The following SPAG16 variants were observed in gnomAD, a reference collection of about 807,000 sequenced individuals.
The protein encoded by SPAG16 is sperm-associated antigen 16 protein.
Under a neutral mutation model 80.4 loss-of-function variants are expected in SPAG16, and 86 were observed. The ratio of observed to expected loss-of-function variants is 1.07; its 90% CI spans 0.90 to 1.28. The LOEUF (loss-of-function observed/expected upper bound fraction) is 1.28. SPAG16 is among the 50% of genes most tolerant of loss of function. The pLI is 0.00. For missense variants in SPAG16, 870 were observed against 765.3 expected (o/e 1.14, Z -1.61); for synonymous variants, 294 against 265.9 (o/e 1.11, Z -1.03).
At chr2:213,476,360 C>G (rs1310937968) in intron 9 of SPAG16, among the ~76,000 whole-genome samples, 1 of 152,176 alleles carries the variant, frequency 6.6e-6, no homozygotes, top group Non-Finnish European at 1.5e-5. Flanking sequence ...TATTCTGATC[C>G]CACATGACAG....
At chr2:214,296,335 A>T (rs900805254) in intron 15 of SPAG16, among the ~76,000 whole-genome samples, 1 of 152,298 alleles carries the variant, frequency 6.6e-6, no homozygotes, top group African/African-American at 2.4e-5. Context: ...GCTATTGTGG[A>T]TAGTGCTGCA....
intron 11 of SPAG16, among the ~76,000 whole-genome samples, chr2:213,871,061 T>G (rs1210982101): frequency 1.3e-5 from 2 of 152,106 alleles, no homozygotes; most frequent in African/African-American, 2.4e-5. Context: ...AATATACACA[T>G]ACACAAACAC....
intron 1 of SPAG16, among the ~76,000 whole-genome samples, chr2:213,289,744 A>C (rs1038350639): frequency 6.6e-6 from 1 of 152,224 alleles, no homozygotes; most frequent in African/African-American, 2.4e-5. Flanking sequence ...CTCTGCAGTG[A>C]TGGCAAGGAT....
chr2:213,771,740 G>A (rs2069261869), intron 10 of SPAG16, among the ~76,000 whole-genome samples: 1 of 152,092 alleles, frequency 6.6e-6, no homozygotes, highest in African/African-American at 2.4e-5. Flanking sequence ...CATCAGGTTT[G>A]TTGAAGATCA....
intron 12 of SPAG16, among the ~76,000 whole-genome samples, chr2:213,977,484 A>G (rs2045476964): frequency 1.3e-5 from 2 of 152,064 alleles, no homozygotes; most frequent in African/African-American, 4.8e-5. Context: ...TAATAGTTGT[A>G]GACATTCCTG....
intron 10 of SPAG16, among the ~76,000 whole-genome samples, chr2:213,605,883 T>C (rs532468059): frequency 6.6e-6 from 1 of 152,342 alleles, no homozygotes; most frequent in Non-Finnish European, 1.5e-5. Flanking sequence ...TTTTTACATA[T>C]GTATACAATT....
chr2:213,879,405 A>G (rs1029114925), intron 11 of SPAG16, among the ~76,000 whole-genome samples: 2 of 150,584 alleles, frequency 1.3e-5, no homozygotes, highest in East Asian at 2.0e-4. Flanking sequence ...GTGTATATAC[A>G]TATACACACA....
chr2:214,218,112 T>C (rs1662400067), intron 15 of SPAG16, among the ~76,000 whole-genome samples: 1 of 152,196 alleles, frequency 6.6e-6, no homozygotes, highest in South Asian at 2.1e-4. Context: ...AATGATAGCA[T>C]TGTTTTACAT....
intron 15 of SPAG16, among the ~76,000 whole-genome samples, chr2:214,276,926 A>C (rs1222548215): frequency 6.6e-6 from 1 of 151,132 alleles, no homozygotes; most frequent in Non-Finnish European, 1.5e-5. Flanking sequence ...TTTCAGATAC[A>C]CTAATCAAAC....
At chr2:213,553,537 G>A (rs140480838) in intron 10 of SPAG16, among the ~76,000 whole-genome samples, 9 of 152,158 alleles carry the variant, frequency 5.9e-5, no homozygotes, top group Admixed American at 1.3e-4. Flanking sequence ...GGGGCTGCAC[G>A]CTCCTCCCCT....
chr2:213,380,974 C>A (rs1352169088), intron 9 of SPAG16, among the ~76,000 whole-genome samples: 2 of 152,196 alleles, frequency 1.3e-5, no homozygotes, highest in Non-Finnish European at 2.9e-5. Context: ...AGGCATTGTG[C>A]CTCTTTCCTG....
chr2:213,716,285 C>T (rs1266129146), intron 10 of SPAG16, among the ~76,000 whole-genome samples: 1 of 152,184 alleles, frequency 6.6e-6, no homozygotes. Flanking sequence ...GATTAATACA[C>T]AGCTCCATCA....
chr2:214,179,202 G>A (rs899557561), intron 15 of SPAG16, among the ~76,000 whole-genome samples: 2 of 151,320 alleles, frequency 1.3e-5, no homozygotes, highest in Admixed American at 6.6e-5. Flanking sequence ...AGCTGGACCT[G>A]TGATCTAAAA....
chr2:213,361,108 T>G (rs938992338), intron 7 of SPAG16, among the ~76,000 whole-genome samples: 1 of 151,998 alleles, frequency 6.6e-6, no homozygotes, highest in African/African-American at 2.4e-5. Context: ...ATGACAAAAA[T>G]CCGATAGGAA....
chr2:213,700,801 T>G (rs936895067), intron 10 of SPAG16, among the ~76,000 whole-genome samples: 2 of 152,336 alleles, frequency 1.3e-5, no homozygotes, highest in Admixed American at 6.5e-5. Context: ...CTATTTCTTT[T>G]ATAAGGTTTC....
intron 5 of SPAG16, among the ~76,000 whole-genome samples, chr2:213,321,593 T>A (rs1407667607): frequency 1.3e-5 from 2 of 152,048 alleles, no homozygotes; most frequent in Admixed American, 1.3e-4. Flanking sequence ...AAGAAGGAAA[T>A]GAAAGGAGAA....
chr2:214,362,318 G>T (rs1699235540), intron 15 of SPAG16, among the ~76,000 whole-genome samples: 1 of 151,862 alleles, frequency 6.6e-6, no homozygotes, highest in African/African-American at 2.4e-5. Context: ...CCACATTGAG[G>T]AGCTGAAGCA....
intron 10 of SPAG16, among the ~76,000 whole-genome samples, chr2:213,702,962 A>G (rs999506874): frequency 1.1e-4 from 16 of 152,258 alleles, no homozygotes; most frequent in South Asian, 1.0e-3. Flanking sequence ...CTACCCTTCT[A>G]TGTGGGAGGA....
chr2:214,298,729 T>C (rs1340445796), intron 15 of SPAG16, among the ~76,000 whole-genome samples: 1 of 152,184 alleles, frequency 6.6e-6, no homozygotes. Context: ...TTTTATAAAG[T>C]GTTCTTGGGA....
Sources: gnomAD v4.1 joint callset for allele counts (sites outside exome capture counted in the v4.1 genomes callset) on GRCh38, gnomAD v4.1.1 for gene constraint, MANE v1.5 for transcripts, NCBI Gene and HGNC (gene_info 2026-07-23, HGNC 2026-07-21) for gene names.